Variants in SLC6A7 observed in about 807,000 individuals in gnomAD.
The protein encoded by SLC6A7 is solute carrier family 6 member 7.
In SLC6A7, 58 loss-of-function variants were observed where a neutral mutation model predicts 73.1. The observed-to-expected ratio is 0.79, with a 90% CI of 0.64 to 0.99. The LOEUF (loss-of-function observed/expected upper bound fraction) is 0.99. Among genes scored for constraint, SLC6A7 ranks in the 50% least tolerant of loss-of-function variants. SLC6A7 has a pLI of 0.00. For missense variants in SLC6A7, 783 were observed against 831.4 expected (o/e 0.94, Z 0.72); for synonymous variants, 338 against 338.7 (o/e 1.00, Z 0.02).
intron 1 of SLC6A7, 32 bp downstream of exon 1, chr5:150,190,392 C>A: frequency 6.8e-7 from 1 of 1,461,354 alleles, no homozygotes; most frequent in Non-Finnish European, 9.1e-7. Context: ...GCTGGGGGTG[C>A]ACCTGGAGGA....
intron 5 of SLC6A7, 63 bp downstream of exon 5, chr5:150,199,429 G>T (rs1411005107): frequency 3.1e-5 from 38 of 1,244,620 alleles, no homozygotes; most frequent in Non-Finnish European, 4.3e-5. Flanking sequence ...CCTGGAGAAG[G>T]CAGGGCTTGG....
At chr5:150,190,618 G>A (rs1752735252) in intron 1 of SLC6A7, among the ~76,000 whole-genome samples, 1 of 152,178 alleles carries the variant, frequency 6.6e-6, no homozygotes, top group South Asian at 2.1e-4. Context: ...ACAGGTGTCT[G>A]CAGTCCCCGG....
At chr5:150,205,156 G>C (rs903093376) in intron 12 of SLC6A7, among the ~76,000 whole-genome samples, 1 of 152,230 alleles carries the variant, frequency 6.6e-6, no homozygotes. Flanking sequence ...CAGGCCCCAG[G>C]GCCTCAGGAT....
chr5:150,207,426 C>T (rs1753757114), intron 13 of SLC6A7, among the ~76,000 whole-genome samples: 1 of 152,066 alleles, frequency 6.6e-6, no homozygotes, highest in Non-Finnish European at 1.5e-5. Context: ...CAGCTAATTT[C>T]TGTATTTTTA....
chr5:150,196,598 C>A, intron 2 of SLC6A7, 118 bp from the exon 3 acceptor site: 1 of 1,004,932 alleles, frequency 1.0e-6, no homozygotes, highest in Non-Finnish European at 1.5e-6. Flanking sequence ...GAAAAGAAAC[C>A]TACAGTGTTC....
At chr5:150,208,813 G>A (rs537876764) in intron 13 of SLC6A7, among the ~76,000 whole-genome samples, 5 of 152,160 alleles carry the variant, frequency 3.3e-5, no homozygotes, top group Non-Finnish European at 7.4e-5. Flanking sequence ...TAGTCACCCC[G>A]ACTCCGTCCA....
intron 1 of SLC6A7, among the ~76,000 whole-genome samples, chr5:150,193,139 C>G (rs1266546486): frequency 6.6e-6 from 1 of 152,236 alleles, no homozygotes; most frequent in East Asian, 1.9e-4. Context: ...TCTTCATGCT[C>G]TGTCATTGTC....
intron 2 of SLC6A7, 27 bp from the exon 3 acceptor site, chr5:150,196,689 C>T (rs1753037389): frequency 6.2e-7 from 1 of 1,605,298 alleles, no homozygotes; most frequent in Non-Finnish European, 8.5e-7. Flanking sequence ...CCCCCAAGGC[C>T]CTTGCTGACC....
At chr5:150,206,119 G>A (rs535239642) in intron 13 of SLC6A7, among the ~76,000 whole-genome samples, 19 of 152,310 alleles carry the variant, frequency 1.2e-4, no homozygotes, top group African/African-American at 4.6e-4. Context: ...TCTGCCACAG[G>A]GTCTGAGGCC....
chr5:150,196,582 A>G (rs2113970248), intron 2 of SLC6A7, 134 bp from the exon 3 acceptor site: 1 of 855,478 alleles, frequency 1.2e-6, no homozygotes, highest in Non-Finnish European at 1.8e-6. Context: ...GCAGTCTGGT[A>G]TAGAAGAAAA....
At chr5:150,198,827 TGTGTGTGTGTGTG>T (rs1753215221) in intron 4 of SLC6A7, among the ~76,000 whole-genome samples, 3 of 149,664 alleles carry the variant, frequency 2.0e-5, no homozygotes, top group African/African-American at 5.0e-5. Flanking sequence ...TGTGTGTGTG[TGTGTGTGTGTGTG>T]TGTGTGTGTG....
At position 150,209,421 on chromosome 5, in the gene SLC6A7, A is replaced by G. The variant is rs769346961; in HGVS notation, c.1717A>G (p.Ser573Gly). The G allele has an allele frequency of 1.7e-5, 28 of 1,613,322 alleles. No individual in the cohort carries two copies. In the East Asian group the frequency reaches 4.2e-4, roughly 24 times the overall value. ...TTTGCTGCAGCGGCTCCAACAGGCC[A>G]GCCGGCCGGCCATGGACTGGGGACC... is the stretch of plus-strand genomic sequence containing the variant. Reference protein sequence around the residue: ...GSLWERLQQASRPAMDWGPSL... With the variant: ...GSLWERLQQAGRPAMDWGPSL... The change falls in exon 14 of 14, where the codon AGC becomes GGC. Residue 573 changes from serine to glycine, a missense_variant. Ser to Gly is a moderately conservative substitution (Grantham distance 56, BLOSUM62 0). Transcript: ENST00000230671.
Position 150,210,812 on chromosome 5 carries a change from A to T in SLC6A7, c.*1197A>T, listed in dbSNP as rs1327646053. 6.6e-6 allele frequency: 1 copy of T among 152,496 alleles called. No homozygotes were observed. The highest frequency in any genetic ancestry group is 1.5e-5 in the Non-Finnish European group (1 of 68,176). The allele number at this position is 152,496 out of a possible 1,614,324, so 9.4% of individuals were successfully genotyped here. The stretch of plus-strand genomic sequence containing the variant: ...GAGGCCACCCACCTTGTTCCAGGAC[A>T]TGGGCCCGGGCCCGGTGTGGGGGTA... On this transcript the variant is annotated 3_prime_UTR_variant, in exon 14 of 14. Transcript: ENST00000230671.
Position 150,198,086 on chromosome 5 carries a change from A to G in SLC6A7, c.584+810A>G, listed in dbSNP as rs1015496578. On this transcript the variant is annotated intron_variant, in intron 4 of 13. Coordinates refer to ENST00000230671, the MANE Select transcript of SLC6A7 (RefSeq NM_014228.5). ...AAGAAAGAAAGAAAGAAAGAAAGAA[A>G]GAAAGAAAGAAAGAAAGAAAGAAAG... is the stretch of plus-strand genomic sequence containing the variant. Among the ~76,000 whole-genome samples the G allele has an allele frequency of 6.8e-5, 7 of 103,652 alleles. 1 individual carries two copies. Among genetic ancestry groups the G allele is most frequent in the African/African-American group, 2.3e-4 (6 of 26,626 alleles). 68.0% of individuals were successfully genotyped at this position (103,652 alleles called of 152,430 possible).
Position 150,201,160 on chromosome 5 carries a change from A to AG in SLC6A7, c.799dup (p.Ala267GlyfsTer24). 1.2e-6 allele frequency: 2 copies of AG among 1,613,760 alleles called. No homozygotes were observed. Among genetic ancestry groups the AG allele is most frequent in the Non-Finnish European group, 1.7e-6 (2 of 1,179,832 alleles). Reference sequence around the variant, plus strand: ...TGCTGGTCCGCGGAGTCACCCTCCCAGGGGCCTGGAAGGGCATCCAGTTCT... The same window carrying AG: ...TGCTGGTCCGCGGAGTCACCCTCCCAGGGGGCCTGGAAGGGCATCCAGTTCT... On this transcript the variant is annotated frameshift_variant, in exon 6 of 14. Coordinates refer to ENST00000230671, the MANE Select transcript of SLC6A7 (RefSeq NM_014228.5). LOFTEE classifies it high-confidence loss of function.
At chr5:150,206,729 C>T (rs1753721002) in intron 13 of SLC6A7, among the ~76,000 whole-genome samples, 1 of 152,256 alleles carries the variant, frequency 6.6e-6, no homozygotes, top group Admixed American at 6.5e-5. Context: ...TTCTCTGAAC[C>T]TCAGGAGCTC....
chr5:150,198,115 G>GAAAGAAAA (rs1224170798), intron 4 of SLC6A7, among the ~76,000 whole-genome samples: 2 of 77,534 alleles, frequency 2.6e-5, no homozygotes, highest in Admixed American at 1.2e-4. Context: ...AAGAAAGAAA[G>GAAAGAAAA]AGAAAGAAAG....
At chr5:150,201,532 G>T (rs1432562204) in intron 6 of SLC6A7, among the ~76,000 whole-genome samples, 1 of 151,998 alleles carries the variant, frequency 6.6e-6, no homozygotes, top group East Asian at 1.9e-4. Flanking sequence ...CACTCTCTTA[G>T]CATTCTCCAA....
intron 6 of SLC6A7, among the ~76,000 whole-genome samples, chr5:150,201,953 G>T (rs966524654): frequency 7.2e-5 from 11 of 152,198 alleles, no homozygotes; most frequent in Admixed American, 2.0e-4. Context: ...AGGCTGCACA[G>T]CTAGAAAATG....
Sources: gnomAD v4.1 joint callset for allele counts (sites outside exome capture counted in the v4.1 genomes callset) on GRCh38, gnomAD v4.1.1 for gene constraint, MANE v1.5 for transcripts, NCBI Gene and HGNC (gene_info 2026-07-23, HGNC 2026-07-21) for gene names.